The following SUPT3H variants were observed in gnomAD, a reference collection of about 807,000 sequenced individuals.
SUPT3H encodes SPT3 homolog, SAGA and STAGA complex component.
In SUPT3H, 44 loss-of-function variants were observed where a neutral mutation model predicts 44.3. That is an observed-to-expected ratio of 0.99 (90% CI 0.78 to 1.28). The LOEUF (loss-of-function observed/expected upper bound fraction) is 1.28, where lower values mean the gene tolerates loss of function less well. SUPT3H is among the 50% of genes most tolerant of loss of function. SUPT3H has a pLI of 0.00. For synonymous variants in SUPT3H, 124 were observed against 125.6 expected (o/e 0.99, Z 0.09); for missense variants, 380 against 387.1 (o/e 0.98, Z 0.15).
At chr6:45,137,604 T>C (rs1358848695) in intron 2 of SUPT3H, among the ~76,000 whole-genome samples, 1 of 151,886 alleles carries the variant, frequency 6.6e-6, no homozygotes, top group African/African-American at 2.4e-5. Flanking sequence ...CAGCAGATTA[T>C]AACAAAGTTG....
chr6:44,912,775 C>G (rs943126202), intron 10 of SUPT3H, among the ~76,000 whole-genome samples: 10 of 152,164 alleles, frequency 6.6e-5, no homozygotes, highest in African/African-American at 2.2e-4. Context: ...TGTAAAGTCT[C>G]TTTTTGTTCT....
At chr6:45,246,838 C>T (rs910713856) in intron 2 of SUPT3H, among the ~76,000 whole-genome samples, 3 of 152,018 alleles carry the variant, frequency 2.0e-5, no homozygotes, top group African/African-American at 7.2e-5. Context: ...TAATGCAGTG[C>T]TAAGAGGAAA....
chr6:45,186,384 G>A (rs867560205), intron 2 of SUPT3H, among the ~76,000 whole-genome samples: 5 of 151,934 alleles, frequency 3.3e-5, no homozygotes, highest in East Asian at 1.9e-4. Flanking sequence ...CATCAAAGAC[G>A]TATTTCAAAA....
chr6:45,174,651 C>G (rs1159879648), intron 2 of SUPT3H, among the ~76,000 whole-genome samples: 1 of 152,094 alleles, frequency 6.6e-6, no homozygotes, highest in African/African-American at 2.4e-5. Flanking sequence ...AAAAGAGGAA[C>G]ACACAGTCTG....
At position 45,022,996 on chromosome 6, in the gene SUPT3H, T is replaced by G. The variant is rs1400892763; in HGVS notation, c.187-2364A>C. Among the ~76,000 whole-genome samples, 3 of 152,110 alleles carry G rather than the reference T, an allele frequency of 2.0e-5. No homozygotes were observed. The East Asian group carries it at 5.8e-4, about 29-fold the overall frequency. ...TGGTCAAGGGTCAACTGTGTTATTA[T>G]GCATTGGTTTACTTCTCCTGCAAAT... On this transcript the variant is annotated intron_variant, in intron 3 of 10. Transcript: ENST00000371459.
At chr6:45,320,928 A>G (rs1440257152) in intron 2 of SUPT3H, among the ~76,000 whole-genome samples, 1 of 152,162 alleles carries the variant, frequency 6.6e-6, no homozygotes, top group African/African-American at 2.4e-5. Context: ...GTACAATATA[A>G]TAGTATTTAA....
At chr6:45,327,899 CAG>C (rs1342533924) in intron 2 of SUPT3H, among the ~76,000 whole-genome samples, 1 of 151,894 alleles carries the variant, frequency 6.6e-6, no homozygotes, top group Non-Finnish European at 1.5e-5. Flanking sequence ...GAATTTCACA[CAG>C]ACTCTTGAGC....
intron 2 of SUPT3H, among the ~76,000 whole-genome samples, chr6:45,193,865 T>C (rs1815552132): frequency 6.6e-6 from 1 of 152,192 alleles, no homozygotes; most frequent in South Asian, 2.1e-4. Context: ...TACAGATAAT[T>C]AACATTAGTT....
At chr6:45,318,725 T>G (rs974205347) in intron 2 of SUPT3H, among the ~76,000 whole-genome samples, 3 of 152,138 alleles carry the variant, frequency 2.0e-5, no homozygotes, top group Non-Finnish European at 4.4e-5. Flanking sequence ...TTCAAAAATA[T>G]GCCATCTTTA....
intron 2 of SUPT3H, among the ~76,000 whole-genome samples, chr6:45,279,589 C>G (rs1777607782): frequency 6.6e-6 from 1 of 152,140 alleles, no homozygotes; most frequent in South Asian, 2.1e-4. Flanking sequence ...TCACCCTTTG[C>G]CTTCCACCAC....
At chr6:45,110,439 CCA>C (rs1562478891) in intron 2 of SUPT3H, among the ~76,000 whole-genome samples, 1 of 151,898 alleles carries the variant, frequency 6.6e-6, no homozygotes, top group African/African-American at 2.4e-5. Flanking sequence ...TATGTATAGC[CCA>C]ATACTATCTA....
intron 2 of SUPT3H, chr6:45,328,416 T>C (rs778824476): frequency 7.0e-7 from 1 of 1,431,852 alleles, no homozygotes; most frequent in Admixed American, 1.8e-5. Context: ...TTTTAAATGG[T>C]TAATCTCCGC....
chr6:45,186,860 G>C (rs146530420), intron 2 of SUPT3H, among the ~76,000 whole-genome samples: 104 of 152,222 alleles, frequency 6.8e-4, no homozygotes, highest in African/African-American at 2.3e-3. Flanking sequence ...GGGTCACAGA[G>C]AAGAACCTGA....
chr6:45,306,691 T>C (rs1050759594), intron 2 of SUPT3H, among the ~76,000 whole-genome samples: 4 of 152,208 alleles, frequency 2.6e-5, no homozygotes, highest in Non-Finnish European at 4.4e-5. Flanking sequence ...AGCTCCAGTC[T>C]ACAGCTCCCA....
At chr6:45,278,137 C>A (rs780603550) in intron 2 of SUPT3H, among the ~76,000 whole-genome samples, 3 of 27,132 alleles carry the variant, frequency 1.1e-4, no homozygotes, top group Non-Finnish European at 1.4e-4. Context: ...TGGGTGGGGT[C>A]GGGGGAGGGT....
intron 6 of SUPT3H, among the ~76,000 whole-genome samples, chr6:44,963,379 A>G (rs775888605): frequency 6.6e-6 from 1 of 152,158 alleles, no homozygotes; most frequent in South Asian, 2.1e-4. Context: ...AATCCCAGCT[A>G]CTTGGAAGGC....
intron 2 of SUPT3H, among the ~76,000 whole-genome samples, chr6:45,314,891 T>G (rs947818305): frequency 6.6e-6 from 1 of 152,146 alleles, no homozygotes; most frequent in African/African-American, 2.4e-5. Context: ...CAAAATATAC[T>G]ATGAGGCCAT....
chr6:45,002,808 TC>T (rs1221268933), intron 6 of SUPT3H, among the ~76,000 whole-genome samples: 2 of 152,120 alleles, frequency 1.3e-5, no homozygotes, highest in Non-Finnish European at 2.9e-5. Context: ...CTGGACCTCC[TC>T]CAAAGTTTAA....
At chr6:45,101,479 G>A (rs1366760901) in intron 3 of SUPT3H, among the ~76,000 whole-genome samples, 3 of 152,130 alleles carry the variant, frequency 2.0e-5, no homozygotes, top group Admixed American at 2.0e-4. Flanking sequence ...TAGAATAGTA[G>A]TTACTAGAGG....
Sources: gnomAD v4.1 joint callset for allele counts (sites outside exome capture counted in the v4.1 genomes callset) on GRCh38, gnomAD v4.1.1 for gene constraint, MANE v1.5 for transcripts, NCBI Gene and HGNC (gene_info 2026-07-23, HGNC 2026-07-21) for gene names.